The following CNGB1 variants were observed in gnomAD, a reference collection of about 807,000 sequenced individuals.
CNGB1 encodes the protein cyclic nucleotide gated channel subunit beta 1.
CNGB1 carries 126 observed loss-of-function variants against 151.7 expected under a neutral mutation model. The observed-to-expected ratio is 0.83, with a 90% CI of 0.72 to 0.96. The LOEUF is 0.96. CNGB1 is among the 40% of genes least tolerant of loss of function. The pLI is 0.00. For missense variants in CNGB1, 1,698 were observed against 1,627.0 expected (o/e 1.04, Z -0.75); for synonymous variants, 623 against 635.1 (o/e 0.98, Z 0.29).
intron 18 of CNGB1, among the ~76,000 whole-genome samples, chr16:57,921,911 C>T (rs1350455718): frequency 6.6e-6 from 1 of 152,194 alleles, no homozygotes; most frequent in Non-Finnish European, 1.5e-5. Flanking sequence ...TTTTGAGGTC[C>T]ATTTGAGGTC....
chr16:57,962,695 G>T, intron 6 of CNGB1, 85 bp from the exon 7 acceptor site: 2 of 1,562,508 alleles, frequency 1.3e-6, no homozygotes, highest in Non-Finnish European at 8.8e-7. Flanking sequence ...GGCACCGAGA[G>T]CTCAGCTCAA....
intron 19 of CNGB1, among the ~76,000 whole-genome samples, chr16:57,919,470 C>G (rs1960969120): frequency 6.6e-6 from 1 of 152,184 alleles, no homozygotes; most frequent in South Asian, 2.1e-4. Context: ...GGGTGCCCAC[C>G]CAGAAGTTCT....
intron 17 of CNGB1, among the ~76,000 whole-genome samples, chr16:57,923,625 T>C (rs557034836): frequency 1.3e-5 from 2 of 152,290 alleles, no homozygotes; most frequent in African/African-American, 2.4e-5. Context: ...GGTAACAGCA[T>C]TGGTATTGCA....
chr16:57,915,804 CAGG>C (rs1337951192), intron 22 of CNGB1, among the ~76,000 whole-genome samples: 1 of 149,072 alleles, frequency 6.7e-6, no homozygotes, highest in Non-Finnish European at 1.5e-5. Context: ...GAGGCTGAGG[CAGG>C]AGGAGTGCTT....
At chr16:57,888,808 T>C (rs1596946968) in intron 31 of CNGB1, among the ~76,000 whole-genome samples, 1 of 152,068 alleles carries the variant, frequency 6.6e-6, no homozygotes, top group East Asian at 1.9e-4. Flanking sequence ...CACTTTCACA[T>C]AGGGAATTGG....
Position 57,884,393 on chromosome 16 carries a change from G to A in CNGB1, c.3527C>T (p.Pro1176Leu), listed in dbSNP as rs73562944. ...GGGTGGGTCGGTGGCGGCCTCCTTT[G>A]GGTGCGTGTGCTGGTCTGGGGCGGC... ...GSAAPDQHTH[P>L]KEAATDPPAP... The change falls in exon 33 of 33, where the codon CCA (proline) becomes CTA (leucine). Residue 1176 changes from proline (P) to leucine (L), a missense_variant. Pro to Leu is a moderately conservative substitution (Grantham distance 98, BLOSUM62 -3). Coordinates refer to ENST00000251102, the MANE Select transcript of CNGB1 (RefSeq NM_001297.5). The A allele has an allele frequency of 1.8e-3, 2,851 of 1,613,240 alleles. 38 individuals carry two copies. The African/African-American group carries it at 0.033, about 19-fold the overall frequency.
At chr16:57,935,688 T>C (rs1433203636) in intron 16 of CNGB1, among the ~76,000 whole-genome samples, 1 of 151,828 alleles carries the variant, frequency 6.6e-6, no homozygotes. Flanking sequence ...TTAGCAGTTA[T>C]CAGGGAGTGG....
At chr16:57,889,607 C>T (rs1191629739) in intron 31 of CNGB1, among the ~76,000 whole-genome samples, 1 of 152,166 alleles carries the variant, frequency 6.6e-6, no homozygotes, top group Non-Finnish European at 1.5e-5. Flanking sequence ...CTTTAAACAG[C>T]TAAATTTGTG....
Position 57,915,804 on chromosome 16 carries a change from C to T in CNGB1, c.2217+325G>A, listed in dbSNP as rs1167897201. Among the ~76,000 whole-genome samples, 13 of 149,072 alleles carry T rather than the reference C, an allele frequency of 8.7e-5. No homozygotes were observed. The Admixed American group carries it at 8.8e-4, about 10-fold the overall frequency. The stretch of plus-strand genomic sequence containing the variant: ...ATCCCAGCTACTAGGGAGGCTGAGG[C>T]AGGAGGAGTGCTTGAACGAGGAGGC... On this transcript the variant is annotated intron_variant, in intron 22 of 32. Coordinates refer to ENST00000251102, the MANE Select transcript of CNGB1 (RefSeq NM_001297.5).
intron 25 of CNGB1, among the ~76,000 whole-genome samples, chr16:57,905,791 G>T (rs896924612): frequency 1.3e-5 from 2 of 152,232 alleles, no homozygotes; most frequent in African/African-American, 2.4e-5. Context: ...GGACACTGTG[G>T]CCTTCAAGAC....
chr16:57,895,434 G>C (rs1419460801), intron 31 of CNGB1, among the ~76,000 whole-genome samples: 1 of 151,694 alleles, frequency 6.6e-6, no homozygotes, highest in African/African-American at 2.4e-5. Context: ...TGTGGTGCTG[G>C]ATTGAAATTG....
chr16:57,893,753 C>G (rs1292580750), intron 31 of CNGB1, among the ~76,000 whole-genome samples: 1 of 152,060 alleles, frequency 6.6e-6, no homozygotes, highest in Non-Finnish European at 1.5e-5. Context: ...TTACAGTGAG[C>G]CAGGATTGCG....
rs146174302 is a variant in CNGB1 at position 57,917,627 on chromosome 16, T to TAC, written c.1958-153_1958-152dup. The TAC allele has an allele frequency of 8.6e-3, 4,841 of 565,696 alleles. 104 individuals are homozygous for TAC. The highest frequency in any genetic ancestry group is 0.068 in the African/African-American group (3,308 of 48,322). The allele number at this position is 565,696 out of a possible 1,614,324, so 35.0% of individuals were successfully genotyped here. ...GTGTATGTGTGTGTGTGTGTATATA[T>TAC]ACACACACACACACACACACACATA... On this transcript the variant is annotated intron_variant, in intron 20 of 32. Transcript: ENST00000251102.
At chr16:57,908,237 T>G (rs529911872) in intron 25 of CNGB1, among the ~76,000 whole-genome samples, 1 of 152,202 alleles carries the variant, frequency 6.6e-6, no homozygotes, top group African/African-American at 2.4e-5. Flanking sequence ...GCAGGGCTCA[T>G]GGCAGAAGGC....
intron 18 of CNGB1, among the ~76,000 whole-genome samples, chr16:57,920,899 G>T (rs1379843651): frequency 1.3e-5 from 2 of 152,122 alleles, no homozygotes; most frequent in Admixed American, 1.3e-4. Context: ...CCCAGTGCAG[G>T]GTTCACATGA....
intron 23 of CNGB1, among the ~76,000 whole-genome samples, chr16:57,913,526 G>A (rs983119450): frequency 3.3e-5 from 5 of 152,014 alleles, no homozygotes; most frequent in Admixed American, 2.0e-4. Context: ...TGTCACTCAG[G>A]CTGGAGTGCA....
Position 57,959,966 on chromosome 16 carries a change from T to A in CNGB1, c.683A>T (p.Lys228Met). The change falls in exon 10 of 33, where the codon AAG becomes ATG. Residue 228 changes from lysine (K) to methionine (M), a missense_variant. By Grantham distance (95) the Lys-to-Met change is moderately conservative. Transcript: ENST00000251102. ...PIPLQPKEEP[K>M]EAPAPEPQPG... ...CTGGGGCTCTGGAGCTGGTGCCTCC[T>A]TGGGTTCCTCCTTGGGCTGCAGGGG... 6.3e-7 allele frequency: 1 copy of A among 1,591,794 alleles called. No individual in the cohort carries two copies. The highest frequency in any genetic ancestry group is 8.6e-7 in the Non-Finnish European group (1 of 1,168,496).
At chr16:57,898,691 C>T (rs1240647947) in intron 29 of CNGB1, among the ~76,000 whole-genome samples, 1 of 152,222 alleles carries the variant, frequency 6.6e-6, no homozygotes, top group Non-Finnish European at 1.5e-5. Flanking sequence ...GCTGGGATTA[C>T]AGGCATGAGC....
intron 2 of CNGB1, among the ~76,000 whole-genome samples, chr16:57,966,163 G>A (rs1265198389): frequency 2.0e-5 from 3 of 152,138 alleles, no homozygotes; most frequent in Non-Finnish European, 4.4e-5. Flanking sequence ...CCTCTTCTGA[G>A]CTCCCATAGT....
Sources: allele counts gnomAD v4.1 joint callset (sites outside exome capture counted in the v4.1 genomes callset), GRCh38; gene constraint gnomAD v4.1.1; transcripts MANE v1.5; gene names NCBI Gene and HGNC (gene_info 2026-07-23, HGNC 2026-07-21).